Variants in DYNC1LI1 observed in about 807,000 individuals in gnomAD.
DYNC1LI1 encodes the protein dynein cytoplasmic 1 light intermediate chain 1.
In DYNC1LI1, 19 loss-of-function variants were observed where a neutral mutation model predicts 63.8. The observed-to-expected ratio is 0.30, with a 90% CI of 0.21 to 0.44. The LOEUF is 0.44. Ranked by LOEUF, DYNC1LI1 falls within the 20% of genes least tolerant of loss-of-function variation. The pLI is 1.00. For synonymous variants in DYNC1LI1, 225 were observed against 232.3 expected (o/e 0.97, Z 0.28); for missense variants, 565 against 630.2 (o/e 0.90, Z 1.11).
chr3:32,539,987 C>G (rs1431100008), intron 5 of DYNC1LI1, among the ~76,000 whole-genome samples: 3 of 151,534 alleles, frequency 2.0e-5, no homozygotes, highest in African/African-American at 7.3e-5. Flanking sequence ...GCTTCAGCCT[C>G]CTGAGTAGCT....
At chr3:32,533,121 A>G in intron 7 of DYNC1LI1, 24 bp from the exon 8 acceptor site, 2 of 1,579,850 alleles carry the variant, frequency 1.3e-6, no homozygotes, top group South Asian at 1.2e-5. Context: ...CATATGATAA[A>G]TTCTCAAGCA....
Position 32,526,857 on chromosome 3 carries a change from T to G in DYNC1LI1, c.1514A>C (p.Lys505Thr). Residue 505 changes from lysine to threonine, a missense_variant, in exon 13 of 13, where the codon AAA (lysine) becomes ACA (threonine). Coordinates refer to ENST00000273130, the MANE Select transcript of DYNC1LI1 (RefSeq NM_016141.4). ...TGTTGTGGGAGAAACTGTAACTGGTTTTCGTGTAATTCTGTCTAGTTCTGC... is the reference window on the plus strand; with the variant it reads ...TGTTGTGGGAGAAACTGTAACTGGTGTTCGTGTAATTCTGTCTAGTTCTGC... ...VHAELDRITR[K>T]PVTVSPTTPT... 1.2e-6 allele frequency: 2 copies of G among 1,614,092 alleles called. No homozygotes were observed. Among genetic ancestry groups the G allele is most frequent in the Non-Finnish European group, 8.5e-7 (1 of 1,179,972 alleles).
chr3:32,569,497 C>T (rs1248984153), intron 2 of DYNC1LI1, among the ~76,000 whole-genome samples: 1 of 152,112 alleles, frequency 6.6e-6, no homozygotes, highest in Non-Finnish European at 1.5e-5. Flanking sequence ...GAGCCGACAC[C>T]AAATACCAAA....
chr3:32,558,615 G>A (rs1698148349), intron 2 of DYNC1LI1, among the ~76,000 whole-genome samples: 2 of 152,034 alleles, frequency 1.3e-5, no homozygotes, highest in African/African-American at 4.8e-5. Flanking sequence ...GGAGGCCGAG[G>A]CGGGCCGATC....
chr3:32,570,281 C>T (rs1698327443), intron 2 of DYNC1LI1, 65 bp downstream of exon 2: 2 of 1,344,772 alleles, frequency 1.5e-6, no homozygotes, highest in Non-Finnish European at 2.1e-6. Context: ...GCGAGCTAGC[C>T]CGCGGACCAG....
At chr3:32,558,971 C>T (rs779321520) in intron 2 of DYNC1LI1, among the ~76,000 whole-genome samples, 2 of 152,020 alleles carry the variant, frequency 1.3e-5, no homozygotes, top group Non-Finnish European at 2.9e-5. Flanking sequence ...CATTTGTTCC[C>T]CAACTTCTAA....
At chr3:32,544,743 CAA>C (rs35750953) in intron 4 of DYNC1LI1, 131 bp downstream of exon 4, 16,881 of 521,500 alleles carry the variant, frequency 0.032, no homozygotes, top group South Asian at 0.04. Flanking sequence ...CTCTTGTCTC[CAA>C]AAAAAAAAAA....
At chr3:32,563,289 C>CT (rs1292071061) in intron 2 of DYNC1LI1, among the ~76,000 whole-genome samples, 11,061 of 133,930 alleles carry the variant, frequency 0.083, 584 homozygotes, top group East Asian at 0.21. Flanking sequence ...TGGTCACTTA[C>CT]TTTTTTTTTT....
At chr3:32,550,911 G>A (rs1480323154) in intron 2 of DYNC1LI1, among the ~76,000 whole-genome samples, 1 of 151,792 alleles carries the variant, frequency 6.6e-6, no homozygotes, top group African/African-American at 2.4e-5. Flanking sequence ...TGGATCACTT[G>A]AGCCCAGGAG....
At chr3:32,562,811 G>C (rs193107252) in intron 2 of DYNC1LI1, among the ~76,000 whole-genome samples, 1 of 152,190 alleles carries the variant, frequency 6.6e-6, no homozygotes, top group African/African-American at 2.4e-5. Context: ...GTTCTAATTT[G>C]TCCACAACTC....
At chr3:32,553,028 G>C (rs1270495389) in intron 2 of DYNC1LI1, among the ~76,000 whole-genome samples, 1 of 152,138 alleles carries the variant, frequency 6.6e-6, no homozygotes, top group Non-Finnish European at 1.5e-5. Context: ...CTACAGAGCA[G>C]CCACTGACAC....
intron 2 of DYNC1LI1, among the ~76,000 whole-genome samples, chr3:32,557,910 C>T (rs1390417957): frequency 6.6e-6 from 1 of 152,152 alleles, no homozygotes; most frequent in African/African-American, 2.4e-5. Flanking sequence ...GATGAAAGCC[C>T]TTCCATAAAG....
At chr3:32,567,387 TAGG>T (rs1380029308) in intron 2 of DYNC1LI1, among the ~76,000 whole-genome samples, 1 of 152,104 alleles carries the variant, frequency 6.6e-6, no homozygotes, top group Non-Finnish European at 1.5e-5. Flanking sequence ...CATCAGGTTG[TAGG>T]AGGAGAGAGA....
rs1299958532 is a variant in DYNC1LI1 at position 32,541,168 on chromosome 3, C to G, written c.607G>C (p.Asp203His). Residue 203 changes from aspartate to histidine, a missense_variant, in exon 5 of 13, where the codon GAC (aspartate) becomes CAC (histidine). Coordinates refer to ENST00000273130, the MANE Select transcript of DYNC1LI1 (RefSeq NM_016141.4). ...CTTCTCTGGGGAGAAGCCGGGAAGT[C>G]TTCTCCTGGCTCTACATATTCTTGG... is the stretch of plus-strand genomic sequence containing the variant. ...DFQEYVEPGE[D>H]FPASPQRRNT... 1 of 1,612,150 alleles carries G rather than the reference C, an allele frequency of 6.2e-7. No homozygotes were observed. The highest frequency in any genetic ancestry group is 1.3e-5 in the African/African-American group (1 of 74,868).
intron 12 of DYNC1LI1, among the ~76,000 whole-genome samples, chr3:32,528,112 C>CAAAAAAAAAAAAAAA (rs60912161): frequency 4.0e-4 from 12 of 29,904 alleles, no homozygotes; most frequent in Non-Finnish European, 6.1e-4. Context: ...GACTCCATCT[C>CAAAAAAAAAAAAAAA]AAAAAAAAAA....
chr3:32,545,171 G>T, intron 3 of DYNC1LI1, 65 bp from the exon 4 acceptor site: 3 of 1,044,028 alleles, frequency 2.9e-6, no homozygotes, highest in Non-Finnish European at 4.4e-6. Context: ...CCAACTAACA[G>T]TACCACTTGG....
At position 32,528,611 on chromosome 3, in the gene DYNC1LI1, A is replaced by C. The variant is rs1345282439; in HGVS notation, c.1307-10T>G. The C allele has an allele frequency of 6.3e-7, 1 of 1,586,976 alleles. No homozygotes were observed. Among genetic ancestry groups the C allele is most frequent in the African/African-American group, 1.4e-5 (1 of 73,158 alleles). ...TCACTTGTAGCTCCAGCTATAAAAAAATAAAAAAACAAAAAGCTTTAGCCA... is the reference window on the plus strand; with the variant it reads ...TCACTTGTAGCTCCAGCTATAAAAACATAAAAAAACAAAAAGCTTTAGCCA... On this transcript the variant is annotated splice_polypyrimidine_tract_variant and intron_variant, in intron 11 of 12. Coordinates refer to ENST00000273130, the MANE Select transcript of DYNC1LI1 (RefSeq NM_016141.4).
intron 2 of DYNC1LI1, 83 bp downstream of exon 2, chr3:32,570,263 G>A (rs1396868188): frequency 7.8e-6 from 9 of 1,147,520 alleles, no homozygotes; most frequent in Non-Finnish European, 1.0e-5. Context: ...TCCGCACAAA[G>A]AGAGCCAGCG....
rs1292389896 is a variant in DYNC1LI1, at chr3:32,532,485, G to GTATATATA, written c.1080+500_1080+501insTATATATA. On this transcript the variant is annotated intron_variant, in intron 8 of 12. Coordinates refer to ENST00000273130, the MANE Select transcript of DYNC1LI1 (RefSeq NM_016141.4). ...CATCTCAAAAAAAAAAAAAAAATGT[G>GTATATATA]TGTATATATATATATATATATAAAA... 66 of 122,300 alleles carry GTATATATA rather than the reference G, an allele frequency of 5.4e-4. 2 individuals are homozygous for GTATATATA. The highest frequency in any genetic ancestry group is 3.3e-3 in the South Asian group (12 of 3,620). The allele number at this position is 122,300 out of a possible 1,614,324, so 7.6% of individuals were successfully genotyped here. A position where few individuals can be genotyped will look rare whatever the true frequency, so the allele number is the denominator to read the frequency against.
Sources: allele counts gnomAD v4.1 joint callset (sites outside exome capture counted in the v4.1 genomes callset), GRCh38; gene constraint gnomAD v4.1.1; transcripts MANE v1.5; gene names NCBI Gene and HGNC (gene_info 2026-07-23, HGNC 2026-07-21).